The following GRID2 variants were observed in gnomAD, a reference collection of about 807,000 sequenced individuals.
GRID2 encodes the protein glutamate receptor ionotropic, delta-2.
Under a neutral mutation model 114.8 loss-of-function variants are expected in GRID2, and 33 were observed. The observed-to-expected ratio is 0.29, with a 90% CI of 0.22 to 0.38. GRID2 has a LOEUF of 0.38. Ranked by LOEUF, GRID2 falls within the 10% of genes least tolerant of loss-of-function variation. GRID2 has a pLI of 1.00. For synonymous variants in GRID2, 505 were observed against 449.9 expected (o/e 1.12, Z -1.55); for missense variants, 1,184 against 1,257.7 (o/e 0.94, Z 0.89).
intron 2 of GRID2, among the ~76,000 whole-genome samples, chr4:93,040,722 A>G (rs1725432650): frequency 6.6e-6 from 1 of 152,158 alleles, no homozygotes; most frequent in Non-Finnish European, 1.5e-5. Flanking sequence ...AATGCCCAAT[A>G]CTTTTGAAAT....
intron 2 of GRID2, among the ~76,000 whole-genome samples, chr4:92,955,391 T>C (rs1009633970): frequency 5.9e-5 from 9 of 152,248 alleles, no homozygotes; most frequent in African/African-American, 9.6e-5. Context: ...TTTTCATGTG[T>C]CTGTTGGCTG....
intron 2 of GRID2, among the ~76,000 whole-genome samples, chr4:92,977,064 A>T (rs957675111): frequency 6.6e-6 from 1 of 152,162 alleles, no homozygotes; most frequent in African/African-American, 2.4e-5. Flanking sequence ...AAATATTTAT[A>T]GAAAGTAATA....
intron 2 of GRID2, among the ~76,000 whole-genome samples, chr4:92,782,442 A>G (rs1166127836): frequency 6.6e-6 from 1 of 152,088 alleles, no homozygotes; most frequent in South Asian, 2.1e-4. Flanking sequence ...GTGTTTCTTT[A>G]TATTATATAC....
At chr4:92,869,575 A>C (rs1354678243) in intron 2 of GRID2, among the ~76,000 whole-genome samples, 1 of 152,144 alleles carries the variant, frequency 6.6e-6, no homozygotes, top group Non-Finnish European at 1.5e-5. Flanking sequence ...AAATTAATTA[A>C]TGGGGGAATG....
chr4:92,982,022 T>TAAAAAAAAAAAAAAAAAAA lies in GRID2; in HGVS notation c.245-102968_245-102950dup, dbSNP rs1161216679. ...GTATCTTCACAGTCTAAAGTACTGG[T>TAAAAAAAAAAAAAAAAAAA]AAAAAAAAAAAAAAAAAAAAAAAGA... On this transcript the variant is annotated intron_variant, in intron 2 of 15. Coordinates refer to ENST00000282020, the MANE Select transcript of GRID2 (RefSeq NM_001510.4). Among the ~76,000 whole-genome samples the TAAAAAAAAAAAAAAAAAAA allele has an allele frequency of 4.5e-3, 355 of 79,606 alleles. 2 individuals carry two copies. The highest frequency in any genetic ancestry group is 9.3e-3 in the Middle Eastern group (1 of 108). The allele number at this position is 79,606 out of a possible 152,430, so 52.2% of individuals were successfully genotyped here.
chr4:93,485,970 A>G (rs1177103756), intron 11 of GRID2, among the ~76,000 whole-genome samples: 4 of 151,728 alleles, frequency 2.6e-5, no homozygotes, highest in African/African-American at 4.8e-5. Flanking sequence ...ATATCTTTAC[A>G]GTATTAAGTC....
At chr4:93,296,172 C>T (rs1754290294) in intron 8 of GRID2, among the ~76,000 whole-genome samples, 2 of 152,162 alleles carry the variant, frequency 1.3e-5, no homozygotes, top group Admixed American at 1.3e-4. Context: ...GGCTGCCATG[C>T]ATTTGTTGGT....
chr4:92,995,481 T>G lies in GRID2; in HGVS notation c.245-89514T>G, dbSNP rs143273562. Reference sequence around the variant, plus strand: ...TCATACCATTGTGAGAAGAGCTAGTTTTCTAGAAAAAGAGATATGGAATTT... The same window carrying G: ...TCATACCATTGTGAGAAGAGCTAGTGTTCTAGAAAAAGAGATATGGAATTT... On this transcript the variant is annotated intron_variant, in intron 2 of 15. Transcript: ENST00000282020. Among the ~76,000 whole-genome samples the G allele has an allele frequency of 2.2e-3, 338 of 152,266 alleles. 4 individuals are homozygous for G. The highest frequency in any genetic ancestry group is 7.6e-3 in the African/African-American group (316 of 41,550).
At chr4:92,766,545 A>G (rs990590305) in intron 2 of GRID2, among the ~76,000 whole-genome samples, 6 of 151,872 alleles carry the variant, frequency 4.0e-5, no homozygotes, top group Non-Finnish European at 8.8e-5. Flanking sequence ...TCAAAAAAAA[A>G]AAAAAAAAAA....
intron 2 of GRID2, among the ~76,000 whole-genome samples, chr4:92,604,918 A>T (rs185585319): frequency 5.3e-4 from 80 of 152,122 alleles, no homozygotes; most frequent in Non-Finnish European, 9.6e-4. Context: ...GACCAAGTGG[A>T]GGTAATTGAA....
At chr4:93,404,831 A>G (rs1193409590) in intron 9 of GRID2, among the ~76,000 whole-genome samples, 3 of 152,152 alleles carry the variant, frequency 2.0e-5, no homozygotes, top group African/African-American at 4.8e-5. Flanking sequence ...ATGCGGAAGT[A>G]TGTAGATATG....
chr4:93,227,081 A>G (rs1377729676), intron 7 of GRID2, among the ~76,000 whole-genome samples: 2 of 152,102 alleles, frequency 1.3e-5, no homozygotes. Flanking sequence ...GCCTTCCGAG[A>G]GACTGTGAGG....
At chr4:92,778,909 C>T (rs536936673) in intron 2 of GRID2, among the ~76,000 whole-genome samples, 1 of 151,992 alleles carries the variant, frequency 6.6e-6, no homozygotes, top group South Asian at 2.1e-4. Flanking sequence ...GAGCTTAATC[C>T]TCAGAGAATT....
chr4:93,544,117 T>A (rs1732950602), intron 13 of GRID2, among the ~76,000 whole-genome samples: 1 of 152,188 alleles, frequency 6.6e-6, no homozygotes, highest in African/African-American at 2.4e-5. Context: ...TTGCCTTAGT[T>A]CTGAGACCAG....
At chr4:93,367,652 C>A (rs1161889852) in intron 8 of GRID2, among the ~76,000 whole-genome samples, 3 of 152,062 alleles carry the variant, frequency 2.0e-5, no homozygotes, top group African/African-American at 7.2e-5. Flanking sequence ...GTGGAGTAGA[C>A]ATAATGCATC....
At chr4:92,647,253 A>C (rs572256400) in intron 2 of GRID2, among the ~76,000 whole-genome samples, 2 of 152,178 alleles carry the variant, frequency 1.3e-5, no homozygotes, top group Non-Finnish European at 2.9e-5. Context: ...AGTGTTTGGA[A>C]TGGTGTCAAC....
At chr4:93,684,159 G>C (rs1725863350) in intron 14 of GRID2, among the ~76,000 whole-genome samples, 1 of 152,052 alleles carries the variant, frequency 6.6e-6, no homozygotes, top group Non-Finnish European at 1.5e-5. Context: ...TAGCATATTA[G>C]ATTATTGTTT....
chr4:92,401,904 G>A (rs1456639278), intron 1 of GRID2, among the ~76,000 whole-genome samples: 1 of 152,126 alleles, frequency 6.6e-6, no homozygotes, highest in Non-Finnish European at 1.5e-5. Context: ...AATGCTGCTT[G>A]AAAGCATTTT....
intron 1 of GRID2, among the ~76,000 whole-genome samples, chr4:93,795,788 A>T (rs1734784427): frequency 6.6e-6 from 1 of 152,230 alleles, no homozygotes; most frequent in South Asian, 2.1e-4. Flanking sequence ...TATTATCAGC[A>T]GTGGTTCATG....
Sources: allele counts gnomAD v4.1 joint callset (sites outside exome capture counted in the v4.1 genomes callset), GRCh38; gene constraint gnomAD v4.1.1; transcripts MANE v1.5; gene names NCBI Gene and HGNC (gene_info 2026-07-23, HGNC 2026-07-21).